The following LAMA1 variants were observed in gnomAD, a reference collection of about 807,000 sequenced individuals.
LAMA1 encodes laminin subunit alpha 1, also known as laminin subunit alpha-1.
LAMA1 carries 219 observed loss-of-function variants against 348.7 expected under a neutral mutation model. The ratio of observed to expected loss-of-function variants is 0.63; its 90% CI spans 0.56 to 0.70. LAMA1 has a LOEUF of 0.70. Among genes scored for constraint, LAMA1 ranks in the 30% least tolerant of loss-of-function variants. The pLI is 0.00. For synonymous variants in LAMA1, 1,487 were observed against 1,491.0 expected (o/e 1.00, Z 0.06); for missense variants, 3,744 against 3,888.0 (o/e 0.96, Z 0.99).
At chr18:7,019,338 T>C (rs2057904898) in intron 19 of LAMA1, among the ~76,000 whole-genome samples, 1 of 152,122 alleles carries the variant, frequency 6.6e-6, no homozygotes. Flanking sequence ...ACGCCCACTC[T>C]CCTGCCCTCC....
intron 1 of LAMA1, among the ~76,000 whole-genome samples, chr18:7,095,745 TA>T (rs2058258413): frequency 6.6e-6 from 1 of 152,238 alleles, no homozygotes; most frequent in African/African-American, 2.4e-5. Flanking sequence ...GAGGTTTGAC[TA>T]AAGGTGAAAA....
intron 3 of LAMA1, among the ~76,000 whole-genome samples, chr18:7,064,394 T>C (rs928131670): frequency 9.2e-5 from 14 of 152,284 alleles, no homozygotes; most frequent in Middle Eastern, 3.4e-3. Context: ...GCCAACTCCA[T>C]AGAAACCAAT....
intron 1 of LAMA1, among the ~76,000 whole-genome samples, chr18:7,107,056 A>G (rs552402330): frequency 6.6e-6 from 1 of 151,688 alleles, no homozygotes; most frequent in African/African-American, 2.4e-5. Context: ...CAGAACGTAG[A>G]TGGCAATGTC....
rs766817641 is a variant in LAMA1, at chr18:7,000,009, G to A, written c.4383-12C>T. 6.2e-7 allele frequency: 1 copy of A among 1,600,940 alleles called. No individual in the cohort carries two copies. Among genetic ancestry groups the A allele is most frequent in the Non-Finnish European group, 8.6e-7 (1 of 1,168,562 alleles). On this transcript the variant is annotated splice_polypyrimidine_tract_variant and intron_variant, in intron 30 of 62. Coordinates refer to ENST00000389658, the MANE Select transcript of LAMA1 (RefSeq NM_005559.4). ...AAGTGGGACTAAAACTGGAGGAAAA[G>A]AATTTCTTTTTGAATTTTCAGATAT...
chr18:7,005,503 C>T (rs1166805707), intron 29 of LAMA1, among the ~76,000 whole-genome samples: 1 of 152,182 alleles, frequency 6.6e-6, no homozygotes, highest in Non-Finnish European at 1.5e-5. Flanking sequence ...AATCCCAGCA[C>T]CTTGGGAGGC....
At chr18:7,114,260 C>T in intron 1 of LAMA1, among the ~76,000 whole-genome samples, 1 of 152,250 alleles carries the variant, frequency 6.6e-6, no homozygotes, top group East Asian at 1.9e-4. Context: ...ACACACCCTA[C>T]ACTGTGCTAA....
In LAMA1 at chr18:7,079,989, G is replaced by T; in HGVS notation, c.331C>A (p.Leu111Met). Residue 111 changes from leucine (L) to methionine (M), a missense_variant, in exon 3 of 63, where the codon CTG becomes ATG. Leu to Met is a conservative substitution (Grantham distance 15). Around this residue, in one of 3 missense-constraint regions of LAMA1, gnomAD observed 1,529 missense variants for 1,689.4 expected, o/e 0.91. Transcript: ENST00000389658. ...GREYHWVTITLDLRQVFQVAY... is the reference protein window; with the variant it reads ...GREYHWVTITMDLRQVFQVAY... Reference sequence around the variant, plus strand: ...GGCTCACCTACCTGTCTTAAGTCCAGAGTGATTGTGACCCAGTGATATTCT... The same window carrying T: ...GGCTCACCTACCTGTCTTAAGTCCATAGTGATTGTGACCCAGTGATATTCT... 1 of 1,613,406 alleles carries T rather than the reference G, an allele frequency of 6.2e-7. No homozygotes were observed. Among genetic ancestry groups the T allele is most frequent in the Non-Finnish European group, 8.5e-7 (1 of 1,179,290 alleles).
intron 16 of LAMA1, among the ~76,000 whole-genome samples, chr18:7,030,487 G>GGTGCA (rs71354520): frequency 0.22 from 34,110 of 151,758 alleles, 4,277 homozygotes; most frequent in African/African-American, 0.34. Flanking sequence ...CAGAATGTGG[G>GGTGCA]GTGTAGTTCA....
intron 8 of LAMA1, 98 bp from the exon 9 acceptor site, chr18:7,042,348 G>T: frequency 2.7e-6 from 2 of 750,178 alleles, no homozygotes; most frequent in South Asian, 1.5e-5. Flanking sequence ...CTCAAGATGG[G>T]ACTATTACGA....
intron 16 of LAMA1, among the ~76,000 whole-genome samples, chr18:7,029,677 A>G (rs578066248): frequency 6.6e-6 from 1 of 152,238 alleles, no homozygotes; most frequent in Admixed American, 6.5e-5. Context: ...GGGAGGAAAA[A>G]CATCTTTCGA....
intron 61 of LAMA1, among the ~76,000 whole-genome samples, chr18:6,946,515 C>T (rs941429911): frequency 6.6e-6 from 1 of 151,970 alleles, no homozygotes; most frequent in Non-Finnish European, 1.5e-5. Context: ...GTCAGGAGTT[C>T]GAGAACAGCC....
chr18:6,993,282 A>G (rs1000649179), intron 35 of LAMA1, among the ~76,000 whole-genome samples: 1 of 152,148 alleles, frequency 6.6e-6, no homozygotes, highest in African/African-American at 2.4e-5. Flanking sequence ...TGATTAAATT[A>G]TTCTAATGTG....
intron 39 of LAMA1, among the ~76,000 whole-genome samples, chr18:6,983,994 T>A (rs1179356837): frequency 2.1e-5 from 2 of 97,428 alleles, no homozygotes; most frequent in African/African-American, 6.2e-5. Flanking sequence ...AAAAGATAAT[T>A]ATTTAACTTT....
Position 7,068,527 on chromosome 18 carries a change from T to C in LAMA1, c.345+11448A>G, listed in dbSNP as rs528106822. Among the ~76,000 whole-genome samples the C allele has an allele frequency of 5.3e-5, 8 of 152,332 alleles. No individual in the cohort carries two copies. In the South Asian group the frequency reaches 1.7e-3, roughly 32 times the overall value. ...CAATGGAGCAAAAGGTCACCCCTGATTGTAAGAATCACAGGGGATTTTTTA... is the reference window on the plus strand; with the variant it reads ...CAATGGAGCAAAAGGTCACCCCTGACTGTAAGAATCACAGGGGATTTTTTA... On this transcript the variant is annotated intron_variant, in intron 3 of 62. Transcript: ENST00000389658.
intron 4 of LAMA1, among the ~76,000 whole-genome samples, chr18:7,049,985 C>T (rs1033718006): frequency 6.6e-6 from 1 of 152,120 alleles, no homozygotes; most frequent in Non-Finnish European, 1.5e-5. Flanking sequence ...TTAAGAAGAC[C>T]GTTTCTCTCC....
chr18:7,039,894 C>A (rs1164269092), intron 10 of LAMA1, among the ~76,000 whole-genome samples, 182 bp downstream of exon 10: 1 of 152,166 alleles, frequency 6.6e-6, no homozygotes, highest in Non-Finnish European at 1.5e-5. Flanking sequence ...GCCAGATGCC[C>A]ATGTGAGTCC....
chr18:6,997,868 A>G lies in LAMA1; in HGVS notation c.4680T>C (p.Cys1560=), dbSNP rs757081441. Reference sequence around the variant, plus strand: ...CCAAGTCATTCAGCAGCACACCTACACACTCATCATCACAGGCTACAAGAC... The same window carrying G: ...CCAAGTCATTCAGCAGCACACCTACGCACTCATCATCACAGGCTACAAGAC... ...ETDCVSCDDE[C]VGVLLNDLDE... Residue 1560 remains cysteine, a synonymous_variant, in exon 33 of 63, where the codon TGT becomes TGC. Coordinates refer to ENST00000389658, the MANE Select transcript of LAMA1 (RefSeq NM_005559.4). The G allele has an allele frequency of 1.2e-6, 2 of 1,614,188 alleles. No individual in the cohort carries two copies. The highest frequency in any genetic ancestry group is 3.3e-5 in the Admixed American group (2 of 60,024).
chr18:6,958,726 T>TTAA, intron 54 of LAMA1, 64 bp from the exon 55 acceptor site: 1 of 1,375,710 alleles, frequency 7.3e-7, no homozygotes, highest in Non-Finnish European at 1.0e-6. Context: ...AATTCCATTT[T>TTAA]AGTCCATAAT....
intron 24 of LAMA1, among the ~76,000 whole-genome samples, chr18:7,011,704 A>G (rs1568030106): frequency 6.6e-6 from 1 of 152,180 alleles, no homozygotes; most frequent in Non-Finnish European, 1.5e-5. Flanking sequence ...GGAAACGTTC[A>G]ATGATATGCA....
Sources: allele counts gnomAD v4.1 joint callset (sites outside exome capture counted in the v4.1 genomes callset), GRCh38; gene constraint gnomAD v4.1.1; regional missense constraint gnomAD v4.1.1; transcripts MANE v1.5; gene names NCBI Gene and HGNC (gene_info 2026-07-23, HGNC 2026-07-21).